Variants in SIL1 observed in about 807,000 individuals in gnomAD.
SIL1 encodes the protein SIL1 nucleotide exchange factor.
A neutral mutation model predicts 49.1 loss-of-function variants in SIL1; 40 were observed. The observed-to-expected ratio is 0.81, with a 90% CI of 0.63 to 1.06. The LOEUF (loss-of-function observed/expected upper bound fraction) is 1.06, where lower values mean the gene tolerates loss of function less well. Among genes scored for constraint, SIL1 ranks in the 50% least tolerant of loss-of-function variants. The pLI is 0.00. For synonymous variants in SIL1, 253 were observed against 250.8 expected, an observed-to-expected ratio of 1.01 and a Z score of -0.08; for missense variants, 500 against 572.6, an observed-to-expected ratio of 0.87 and a Z score of 1.29.
intron 3 of SIL1, among the ~76,000 whole-genome samples, chr5:139,052,095 A>T (rs527295436): frequency 2.2e-4 from 34 of 152,316 alleles, no homozygotes; most frequent in Non-Finnish European, 4.7e-4. Context: ...ATTCCTCCGA[A>T]GGAAGCACAC....
chr5:139,160,884 A>T (rs1751498291), intron 1 of SIL1, among the ~76,000 whole-genome samples: 1 of 152,156 alleles, frequency 6.6e-6, no homozygotes, highest in Non-Finnish European at 1.5e-5. Context: ...CTTCTACATA[A>T]GTTTAAACAT....
intron 1 of SIL1, among the ~76,000 whole-genome samples, chr5:139,169,943 T>C (rs1488193606): frequency 6.6e-6 from 1 of 151,844 alleles, no homozygotes; most frequent in Non-Finnish European, 1.5e-5. Flanking sequence ...ACTGCTGCCA[T>C]CTCGGCTCAC....
intron 4 of SIL1, among the ~76,000 whole-genome samples, chr5:139,049,679 C>A (rs892158966): frequency 5.3e-5 from 8 of 151,896 alleles, no homozygotes; most frequent in African/African-American, 4.8e-5. Flanking sequence ...GTAGCCCCAG[C>A]CTACTCAGGA....
chr5:139,129,019 T>C (rs1363741644), intron 1 of SIL1, among the ~76,000 whole-genome samples: 1 of 152,140 alleles, frequency 6.6e-6, no homozygotes, highest in African/African-American at 2.4e-5. Flanking sequence ...TGGTGGCACA[T>C]GCCTGTAGTC....
At chr5:139,106,446 G>A (rs1770714862) in intron 3 of SIL1, among the ~76,000 whole-genome samples, 1 of 152,206 alleles carries the variant, frequency 6.6e-6, no homozygotes, top group Admixed American at 6.5e-5. Context: ...ACAGCATTGA[G>A]TAATCCACAT....
chr5:139,029,972 CA>C (rs913060312), intron 5 of SIL1, among the ~76,000 whole-genome samples: 1 of 151,338 alleles, frequency 6.6e-6, no homozygotes, highest in African/African-American at 2.4e-5. Flanking sequence ...ACTCTGACTC[CA>C]AAAAAATTGT....
chr5:139,047,321 C>T (rs1368174427), intron 4 of SIL1, among the ~76,000 whole-genome samples: 1 of 152,194 alleles, frequency 6.6e-6, no homozygotes, highest in African/African-American at 2.4e-5. Context: ...CAACTACATG[C>T]AATGAAATAA....
intron 5 of SIL1, among the ~76,000 whole-genome samples, chr5:139,037,454 C>T (rs1228153282): frequency 6.6e-6 from 1 of 152,170 alleles, no homozygotes; most frequent in East Asian, 1.9e-4. Flanking sequence ...TTCTACTCTC[C>T]ATCTGGAATT....
chr5:138,982,519 A>AT (rs1767550448), intron 7 of SIL1, among the ~76,000 whole-genome samples: 1 of 152,196 alleles, frequency 6.6e-6, no homozygotes, highest in African/African-American at 2.4e-5. Context: ...GTGATACAAC[A>AT]TTTTTCTTCC....
chr5:139,059,858 C>T (rs1453812607), intron 3 of SIL1, among the ~76,000 whole-genome samples: 1 of 152,126 alleles, frequency 6.6e-6, no homozygotes, highest in African/African-American at 2.4e-5. Context: ...TAACTTCTTT[C>T]TCTAACACTG....
At chr5:138,949,812 A>AAG (rs951133535) in intron 9 of SIL1, among the ~76,000 whole-genome samples, 3 of 151,300 alleles carry the variant, frequency 2.0e-5, no homozygotes, top group South Asian at 2.1e-4. Flanking sequence ...AAAAAAAAAA[A>AAG]AAAAGAAAAA....
At chr5:139,189,296 GCCT>G (rs1469231032) in intron 1 of SIL1, among the ~76,000 whole-genome samples, 1 of 152,124 alleles carries the variant, frequency 6.6e-6, no homozygotes, top group Non-Finnish European at 1.5e-5. Context: ...CCTGAGCACC[GCCT>G]CCTGTCAGAT....
intron 1 of SIL1, among the ~76,000 whole-genome samples, chr5:139,165,220 T>A (rs1216784050): frequency 6.6e-6 from 1 of 152,208 alleles, no homozygotes; most frequent in Non-Finnish European, 1.5e-5. Flanking sequence ...ACCTAAACAT[T>A]TCCTTTCTAT....
intron 3 of SIL1, among the ~76,000 whole-genome samples, chr5:139,097,431 C>T (rs1158595575): frequency 6.6e-6 from 1 of 151,664 alleles, no homozygotes; most frequent in Non-Finnish European, 1.5e-5. Context: ...TTAGAATTAA[C>T]AAACAAATTC....
chr5:139,190,915 A>C (rs150643663), intron 1 of SIL1, among the ~76,000 whole-genome samples: 60 of 152,256 alleles, frequency 3.9e-4, no homozygotes, highest in African/African-American at 1.3e-3. Context: ...CATGAGTATG[A>C]GATGGGGTGT....
In SIL1 at chr5:138,963,074, G is replaced by C. The variant is rs186933758; in HGVS notation, c.768-11190C>G. Among the ~76,000 whole-genome samples the C allele has an allele frequency of 2.3e-3, 346 of 152,268 alleles. 1 individual carries two copies. Among genetic ancestry groups the C allele is most frequent in the African/African-American group, 8.1e-3 (338 of 41,562 alleles). The stretch of plus-strand genomic sequence containing the variant: ...ACACTGAGATTTATCAACTTTATTA[G>C]AGAACACAGAGGATGTTATTTTAGG... On this transcript the variant is annotated intron_variant, in intron 7 of 9. Coordinates refer to ENST00000394817, the MANE Select transcript of SIL1 (RefSeq NM_022464.5).
At chr5:139,042,239 T>C (rs1769063348) in intron 5 of SIL1, among the ~76,000 whole-genome samples, 1 of 152,196 alleles carries the variant, frequency 6.6e-6, no homozygotes, top group Non-Finnish European at 1.5e-5. Flanking sequence ...CTCTGTTCTT[T>C]TGGAACAAGC....
chr5:139,030,040 G>A (rs936662318), intron 5 of SIL1, among the ~76,000 whole-genome samples: 5 of 151,906 alleles, frequency 3.3e-5, no homozygotes, highest in Non-Finnish European at 5.9e-5. Flanking sequence ...TTTCTAACGA[G>A]ATTAGGTTAT....
chr5:139,053,990 T>C (rs1769349080), intron 3 of SIL1, among the ~76,000 whole-genome samples: 1 of 152,208 alleles, frequency 6.6e-6, no homozygotes, highest in Non-Finnish European at 1.5e-5. Flanking sequence ...CTCTCAATAA[T>C]TATTTGTTGG....
Sources: gnomAD v4.1 joint callset for allele counts (sites outside exome capture counted in the v4.1 genomes callset) on GRCh38, gnomAD v4.1.1 for gene constraint, MANE v1.5 for transcripts, NCBI Gene and HGNC (gene_info 2026-07-23, HGNC 2026-07-21) for gene names.